The following PCDH9 variants were observed in gnomAD, a reference collection of about 807,000 sequenced individuals.
The protein encoded by PCDH9 is protocadherin 9, also known as protocadherin-9.
A neutral mutation model predicts 70.6 loss-of-function variants in PCDH9; 24 were observed. The ratio of observed to expected loss-of-function variants is 0.34; its 90% CI spans 0.25 to 0.48. The LOEUF (loss-of-function observed/expected upper bound fraction) is 0.48. Ranked by LOEUF, PCDH9 falls within the 20% of genes least tolerant of loss-of-function variation. The pLI is 0.99. For missense variants in PCDH9, 1,281 were observed against 1,503.6 expected, an observed-to-expected ratio of 0.85 and a Z score of 2.45; for synonymous variants, 562 against 558.5, an observed-to-expected ratio of 1.01 and a Z score of -0.09.
chr13:66,850,443 G>A (rs759589316), intron 3 of PCDH9, among the ~76,000 whole-genome samples: 13 of 151,836 alleles, frequency 8.6e-5, no homozygotes, highest in Non-Finnish European at 1.9e-4. Context: ...CCTAGGAGGC[G>A]GAGTTTGCAG....
chr13:66,963,849 A>G (rs551724170), intron 2 of PCDH9, among the ~76,000 whole-genome samples: 7 of 152,302 alleles, frequency 4.6e-5, no homozygotes, highest in African/African-American at 1.4e-4. Flanking sequence ...TGACCTTGTG[A>G]ATAGTAACAA....
rs36045690 is a variant in PCDH9 at position 66,874,914 on chromosome 13, AGTGT to A, written c.3138+28586_3138+28589del. 2.3e-3 allele frequency among the ~76,000 whole-genome samples: 310 copies of A among 137,466 alleles called. 1 individual carries two copies. Among genetic ancestry groups the A allele is most frequent in the South Asian group, 2.5e-3 (10 of 3,928 alleles). The allele number at this position is 137,466 out of a possible 152,430, so 90.2% of individuals were successfully genotyped here. Reference sequence around the variant, plus strand: ...AATATATTGTGTGTACAAAAGCAGCAGTGTGTGTGTGTGTGTGTGTGTGTGTGTG... The same window carrying A: ...AATATATTGTGTGTACAAAAGCAGCAGTGTGTGTGTGTGTGTGTGTGTGTG... On this transcript the variant is annotated intron_variant, in intron 3 of 4. Transcript: ENST00000377865.
chr13:67,225,420 G>C lies in PCDH9; in HGVS notation c.3021C>G (p.Pro1007=). The part of the protein sequence containing the change: ...SSQGGFKTKG[P]LHTRQCNSHS... ...GCTCGTTTACCTGTCTGGTGTGTAA[G>C]GGGCCCTTTGTCTTGAAGCCTCCTT... The change falls in exon 2 of 5, where the codon CCC becomes CCG. Residue 1007 remains proline, a synonymous_variant. Coordinates refer to ENST00000377865, the MANE Select transcript of PCDH9 (RefSeq NM_203487.3). 1 of 1,613,950 alleles carries C rather than the reference G, an allele frequency of 6.2e-7. No homozygotes were observed. Among genetic ancestry groups the C allele is most frequent in the Non-Finnish European group, 8.5e-7 (1 of 1,179,964 alleles).
intron 4 of PCDH9, among the ~76,000 whole-genome samples, chr13:66,560,784 TCTG>T (rs1961976160): frequency 6.6e-6 from 1 of 152,230 alleles, no homozygotes; most frequent in Admixed American, 6.5e-5. Flanking sequence ...TTATCTAACT[TCTG>T]CTCAGTCACC....
At chr13:66,828,091 T>C (rs1357067574) in intron 3 of PCDH9, among the ~76,000 whole-genome samples, 1 of 151,926 alleles carries the variant, frequency 6.6e-6, no homozygotes, top group Admixed American at 6.6e-5. Context: ...TGAAGTAACA[T>C]CTAAGAAAAG....
intron 3 of PCDH9, among the ~76,000 whole-genome samples, chr13:66,735,699 C>A (rs1204384233): frequency 6.6e-6 from 1 of 152,146 alleles, no homozygotes; most frequent in East Asian, 1.9e-4. Flanking sequence ...CACAGTGGCT[C>A]ATGCCTGCAA....
At chr13:66,473,470 A>G (rs1222249926) in intron 4 of PCDH9, among the ~76,000 whole-genome samples, 1 of 152,128 alleles carries the variant, frequency 6.6e-6, no homozygotes, top group Non-Finnish European at 1.5e-5. Context: ...AATTATTACA[A>G]TAAATACTAC....
intron 2 of PCDH9, among the ~76,000 whole-genome samples, chr13:67,094,576 G>A (rs1333747194): frequency 6.6e-6 from 1 of 151,968 alleles, no homozygotes; most frequent in African/African-American, 2.4e-5. Context: ...GGTGACAGAA[G>A]TGGCATAAGA....
chr13:66,511,940 T>C (rs757115075), intron 4 of PCDH9, among the ~76,000 whole-genome samples: 9 of 152,160 alleles, frequency 5.9e-5, no homozygotes, highest in African/African-American at 2.2e-4. Flanking sequence ...TATTTCTTGA[T>C]AGCAGTGCAA....
intron 2 of PCDH9, among the ~76,000 whole-genome samples, chr13:67,110,910 C>A (rs953145842): frequency 1.3e-5 from 2 of 152,152 alleles, no homozygotes; most frequent in Admixed American, 6.5e-5. Context: ...TGAAATTATA[C>A]AAATTAATTG....
intron 3 of PCDH9, among the ~76,000 whole-genome samples, chr13:66,728,314 G>C (rs895850670): frequency 6.6e-6 from 1 of 151,936 alleles, no homozygotes; most frequent in Non-Finnish European, 1.5e-5. Flanking sequence ...ATCATTTTTT[G>C]TTCCTCATTC....
rs1167555579 is a variant in PCDH9 at position 66,304,712 on chromosome 13, C to T, written c.3657G>A (p.Leu1219=). The T allele has an allele frequency of 3.1e-6, 5 of 1,613,356 alleles. No individual in the cohort carries two copies. The highest frequency in any genetic ancestry group is 4.2e-6 in the Non-Finnish European group (5 of 1,179,570). The part of the protein sequence containing the change: ...SHMTDIPLAN[L]KSYKQAGGAT... The stretch of plus-strand genomic sequence containing the variant: ...CACCTCCTGCTTGCTTATAAGACTT[C>T]AGATTTGCCAGAGGAATGTCTGTCA... The change falls in exon 5 of 5, where the codon CTG becomes CTA. Residue 1219 remains leucine, a synonymous_variant. Coordinates refer to ENST00000377865, the MANE Select transcript of PCDH9 (RefSeq NM_203487.3).
chr13:66,863,483 ATTTGT>A (rs1426453671), intron 3 of PCDH9, among the ~76,000 whole-genome samples: 3 of 151,888 alleles, frequency 2.0e-5, no homozygotes, highest in East Asian at 1.9e-4. Context: ...ATTTTTGTTT[ATTTGT>A]TTTGTTTTGT....
At chr13:67,175,946 TA>T (rs35318625) in intron 2 of PCDH9, among the ~76,000 whole-genome samples, 18,956 of 146,446 alleles carry the variant, frequency 0.13, 1,328 homozygotes, top group East Asian at 0.22. Flanking sequence ...AGTAAACCAT[TA>T]AAAAAAAAAA....
At chr13:66,696,782 A>G (rs2078568349) in intron 3 of PCDH9, among the ~76,000 whole-genome samples, 1 of 99,664 alleles carries the variant, frequency 1.0e-5, no homozygotes, top group African/African-American at 3.6e-5. Flanking sequence ...GTTCAGGCAA[A>G]CTTTTTTTTT....
intron 3 of PCDH9, among the ~76,000 whole-genome samples, chr13:66,853,190 C>G (rs2081341714): frequency 8.2e-6 from 1 of 122,036 alleles, no homozygotes; most frequent in Non-Finnish European, 1.7e-5. Context: ...CAGTCAAAAT[C>G]TGAATAGTAG....
chr13:67,180,314 T>C (rs1051716582), intron 2 of PCDH9, among the ~76,000 whole-genome samples: 2 of 152,166 alleles, frequency 1.3e-5, no homozygotes, highest in African/African-American at 4.8e-5. Context: ...CTGTAGGCTA[T>C]GTCGCTAGCG....
intron 3 of PCDH9, among the ~76,000 whole-genome samples, chr13:66,716,892 A>G (rs2139142535): frequency 6.6e-6 from 1 of 152,196 alleles, no homozygotes; most frequent in African/African-American, 2.4e-5. Flanking sequence ...TATTTTTATG[A>G]GATTTTCAAA....
At chr13:66,511,252 TTAA>T (rs1260421077) in intron 4 of PCDH9, among the ~76,000 whole-genome samples, 5 of 152,232 alleles carry the variant, frequency 3.3e-5, no homozygotes, top group Non-Finnish European at 7.3e-5. Context: ...ATAGTTGTTA[TTAA>T]TAAAATTCAA....
Sources: gnomAD v4.1 joint callset for allele counts (sites outside exome capture counted in the v4.1 genomes callset) on GRCh38, gnomAD v4.1.1 for gene constraint, MANE v1.5 for transcripts, NCBI Gene and HGNC (gene_info 2026-07-23, HGNC 2026-07-21) for gene names.